The following PDE12 variants were observed in gnomAD, a reference collection of about 807,000 sequenced individuals.
PDE12 encodes phosphodiesterase 12.
PDE12 carries 26 observed loss-of-function variants against 45.4 expected under a neutral mutation model. The observed-to-expected ratio is 0.57, with a 90% CI of 0.42 to 0.79. The LOEUF (loss-of-function observed/expected upper bound fraction) is 0.79, where lower values mean the gene tolerates loss of function less well. Ranked by LOEUF, PDE12 falls within the 30% of genes least tolerant of loss-of-function variation. The pLI is 0.00. For synonymous variants in PDE12, 283 were observed against 323.9 expected, an observed-to-expected ratio of 0.87 and a Z score of 1.36; for missense variants, 668 against 790.0, an observed-to-expected ratio of 0.85 and a Z score of 1.85.
At chr3:57,571,796 G>A (rs2069845770), downstream of PDE12, 1 of 166,318 alleles carries the variant, frequency 6.0e-6, no homozygotes, top group Admixed American at 6.1e-5. Flanking sequence ...GCAAGGGAGA[G>A]AAATAAATAC....
the PDE12 span, chr3:57,631,113 C>T: frequency 1.5e-6 from 1 of 685,428 alleles, no homozygotes; most frequent in Non-Finnish European, 2.5e-6. Context: ...TCACTCCCCA[C>T]AAGAGATATA....
At chr3:57,640,075 A>C in the PDE12 span, among the ~76,000 whole-genome samples, 1 of 150,766 alleles carries the variant, frequency 6.6e-6, no homozygotes, top group Non-Finnish European at 1.5e-5. Flanking sequence ...TTGAGACCAA[A>C]CTGGCCAACA....
the PDE12 span, among the ~76,000 whole-genome samples, chr3:57,608,599 TA>T: frequency 6.6e-6 from 1 of 151,728 alleles, no homozygotes; most frequent in Non-Finnish European, 1.5e-5. Context: ...TAGTCTCTGA[TA>T]AAACAGACTT....
the PDE12 span, chr3:57,628,917 T>C: frequency 6.3e-7 from 1 of 1,583,248 alleles, no homozygotes; most frequent in Non-Finnish European, 8.6e-7. Context: ...ATCAGTAAGT[T>C]CTCAAAATAA....
chr3:57,622,199 AAAAC>A, the PDE12 span, among the ~76,000 whole-genome samples: 4 of 152,180 alleles, frequency 2.6e-5, no homozygotes, highest in African/African-American at 9.7e-5. Context: ...AACCAAAACC[AAAAC>A]AAACAAAAAG....
chr3:57,609,613 A>C, the PDE12 span, among the ~76,000 whole-genome samples: 9 of 152,270 alleles, frequency 5.9e-5, no homozygotes, highest in East Asian at 1.5e-3. Context: ...CACCTTTATG[A>C]AAATAAACTA....
At chr3:57,615,004 A>AC in the PDE12 span, among the ~76,000 whole-genome samples, 1 of 151,306 alleles carries the variant, frequency 6.6e-6, no homozygotes, top group Non-Finnish European at 1.5e-5. Flanking sequence ...AAAAAAAAAA[A>AC]AGTTTTTTTT....
chr3:57,605,612 A>T, the PDE12 span, among the ~76,000 whole-genome samples: 42 of 152,318 alleles, frequency 2.8e-4, no homozygotes, highest in Non-Finnish European at 4.7e-4. Context: ...ACATCCTAGA[A>T]CAAACCGCAC....
chr3:57,596,953 C>G, the PDE12 span: 3 of 1,095,404 alleles, frequency 2.7e-6, no homozygotes, highest in Non-Finnish European at 4.0e-6. Context: ...CCTTCCGACC[C>G]CCGACCCGGC....
chr3:57,601,297 A>T, the PDE12 span, among the ~76,000 whole-genome samples: 25 of 152,110 alleles, frequency 1.6e-4, no homozygotes, highest in Non-Finnish European at 2.5e-4. Flanking sequence ...TTTAGCAGAG[A>T]GGGGGTTTCA....
At chr3:57,647,741 A>G in the PDE12 span, among the ~76,000 whole-genome samples, 1 of 150,054 alleles carries the variant, frequency 6.7e-6, no homozygotes. Flanking sequence ...CACTCATGTG[A>G]GGCTTGACCT....
At chr3:57,604,616 TTGG>T in the PDE12 span, among the ~76,000 whole-genome samples, 8 of 10,288 alleles carry the variant, frequency 7.8e-4, no homozygotes, top group South Asian at 0.033. Flanking sequence ...TTTTTTTTTT[TTGG>T]GGGGGGTGGG....
chr3:57,612,721 A>G, the PDE12 span, among the ~76,000 whole-genome samples: 3 of 150,120 alleles, frequency 2.0e-5, no homozygotes, highest in Non-Finnish European at 4.4e-5. Context: ...CAGTGAGCTG[A>G]TATTATGCCA....
downstream of PDE12, among the ~76,000 whole-genome samples, chr3:57,570,222 T>G (rs1426394920): frequency 1.4e-5 from 2 of 138,556 alleles, no homozygotes; most frequent in Non-Finnish European, 3.1e-5. Flanking sequence ...ATCCAGTGTT[T>G]TTTTTTTTTT....
chr3:57,626,243 G>A, the PDE12 span: 2 of 152,584 alleles, frequency 1.3e-5, no homozygotes, highest in Admixed American at 6.5e-5. Flanking sequence ...AGTTACAAAC[G>A]CAAGGAGTCT....
chr3:57,642,944 T>TGCAGTG, the PDE12 span, among the ~76,000 whole-genome samples: 1 of 148,956 alleles, frequency 6.7e-6, no homozygotes, highest in Non-Finnish European at 1.5e-5. Flanking sequence ...AGGTGGAGGT[T>TGCAGTG]GCAGTGAGCC....
the PDE12 span, among the ~76,000 whole-genome samples, chr3:57,606,602 A>G: frequency 1.3e-5 from 2 of 152,178 alleles, no homozygotes; most frequent in African/African-American, 4.8e-5. Flanking sequence ...TTTTTTAAAA[A>G]CAGATAACTG....
chr3:57,577,551 T>C, the PDE12 span, among the ~76,000 whole-genome samples: 4 of 152,214 alleles, frequency 2.6e-5, no homozygotes, highest in South Asian at 2.1e-4. Flanking sequence ...TGAGAACTAT[T>C]TGTAAGTTTA....
At chr3:57,559,284 C>G in intron 1 of PDE12, 26 bp from the exon 2 acceptor site, 1 of 1,551,030 alleles carries the variant, frequency 6.4e-7, no homozygotes, top group Non-Finnish European at 8.8e-7. Flanking sequence ...GCCAACTGAA[C>G]TCTTGGCACT....
Sources: allele counts gnomAD v4.1 joint callset (sites outside exome capture counted in the v4.1 genomes callset), GRCh38; gene constraint gnomAD v4.1.1; transcripts MANE v1.5; gene names NCBI Gene and HGNC (gene_info 2026-07-23, HGNC 2026-07-21).